The following JHY variants were observed in gnomAD, a reference collection of about 807,000 sequenced individuals.
JHY encodes jhy protein homolog.
Under a neutral mutation model 78.0 loss-of-function variants are expected in JHY, and 69 were observed. The observed-to-expected ratio is 0.88, with a 90% CI of 0.73 to 1.08. The LOEUF (loss-of-function observed/expected upper bound fraction) is 1.08, where lower values mean the gene tolerates loss of function less well. JHY is among the 50% of genes least tolerant of loss of function. The pLI, the probability that JHY is intolerant of heterozygous loss-of-function variation, is 0.00. For missense variants in JHY, 944 were observed against 927.8 expected (o/e 1.02, Z -0.23); for synonymous variants, 368 against 342.6 (o/e 1.07, Z -0.82).
rs771591216 is a variant in JHY at position 122,934,884 on chromosome 11, A to G, written c.1443A>G (p.Ser481=). 9.3e-6 allele frequency: 15 copies of G among 1,614,050 alleles called. No homozygotes were observed. The highest frequency in any genetic ancestry group is 1.3e-5 in the African/African-American group (1 of 75,020). ...AAGACCAAGAAGAGAAAAGATTTTC[A>G]TATCAGCAGCTACACACCCTTTCTG... ...GHKDQEEKRF[S]YQQLHTLSDM... is the part of the protein sequence containing the mutation. Residue 481 remains serine (S), a synonymous_variant, in exon 5 of 9, where the codon TCA becomes TCG. Transcript: ENST00000227349.
At position 122,960,801 on chromosome 11, in the gene JHY, C is replaced by A. The variant is rs566238819; in HGVS notation, c.*1356C>A. On this transcript the variant is annotated 3_prime_UTR_variant, in exon 9 of 9. Transcript: ENST00000227349. ...TGCAATTGATTTGGAGAAGTCGCAG[C>A]GCTCACTGGTTCAGAAGCGCCATTA... 13 of 554,484 alleles carry A rather than the reference C, an allele frequency of 2.3e-5. No homozygotes were observed. The highest frequency in any genetic ancestry group is 2.3e-4 in the African/African-American group (12 of 52,594). The allele number at this position is 554,484 out of a possible 1,614,324, so 34.3% of individuals were successfully genotyped here.
chr11:122,936,687 C>G (rs957510697), intron 5 of JHY, among the ~76,000 whole-genome samples: 1 of 151,916 alleles, frequency 6.6e-6, no homozygotes, highest in Non-Finnish European at 1.5e-5. Flanking sequence ...TTCTGATAAC[C>G]CTTTTATTCC....
At chr11:122,894,560 C>T (rs925261246) in intron 2 of JHY, among the ~76,000 whole-genome samples, 2 of 152,142 alleles carry the variant, frequency 1.3e-5, no homozygotes, top group Admixed American at 1.3e-4. Context: ...ACAGCATTTC[C>T]CTTGTGAAGA....
At chr11:122,933,764 C>G (rs1407982070) in intron 4 of JHY, among the ~76,000 whole-genome samples, 1 of 152,128 alleles carries the variant, frequency 6.6e-6, no homozygotes. Flanking sequence ...CTGATCATCT[C>G]AATTGTATTT....
chr11:122,924,820 G>A, intron 3 of JHY, 77 bp from the exon 4 acceptor site: 3 of 1,136,490 alleles, frequency 2.6e-6, no homozygotes, highest in South Asian at 1.4e-5. Flanking sequence ...GTTTTCTAGA[G>A]TGCACAGACT....
intron 2 of JHY, among the ~76,000 whole-genome samples, chr11:122,887,311 T>C (rs529006444): frequency 6.4e-4 from 98 of 152,278 alleles, no homozygotes; most frequent in African/African-American, 2.3e-3. Context: ...TTATAAATTA[T>C]ATCGTGTTAG....
intron 4 of JHY, among the ~76,000 whole-genome samples, chr11:122,931,612 C>T (rs1863638372): frequency 6.6e-6 from 1 of 152,140 alleles, no homozygotes; most frequent in Non-Finnish European, 1.5e-5. Context: ...AGCAGAAAAG[C>T]AGAACACAAC....
chr11:122,896,983 A>C (rs1315381965), intron 2 of JHY, among the ~76,000 whole-genome samples: 1 of 151,984 alleles, frequency 6.6e-6, no homozygotes, highest in Non-Finnish European at 1.5e-5. Context: ...CAGCCTCCTG[A>C]GTAGCTGGGA....
At chr11:122,910,377 A>T (rs946960955) in intron 3 of JHY, among the ~76,000 whole-genome samples, 1 of 152,000 alleles carries the variant, frequency 6.6e-6, no homozygotes, top group South Asian at 2.1e-4. Context: ...CGGGAAGCCC[A>T]TGAGAATTGT....
intron 2 of JHY, among the ~76,000 whole-genome samples, chr11:122,887,383 C>T (rs1036587089): frequency 3.3e-5 from 5 of 152,172 alleles, no homozygotes; most frequent in Non-Finnish European, 7.4e-5. Flanking sequence ...AGTGCAGTGG[C>T]GCAATCTCAG....
intron 3 of JHY, 61 bp from the exon 4 acceptor site, chr11:122,924,835 TC>T: frequency 2.3e-6 from 3 of 1,328,388 alleles, no homozygotes; most frequent in Non-Finnish European, 3.2e-6. Flanking sequence ...CAGACTTGAG[TC>T]CCATGGCTCT....
intron 4 of JHY, among the ~76,000 whole-genome samples, chr11:122,925,559 C>T (rs1277191716): frequency 6.6e-6 from 1 of 152,160 alleles, no homozygotes; most frequent in African/African-American, 2.4e-5. Context: ...GAAGATTTTT[C>T]TGAAATTCTC....
At chr11:122,959,227 A>G in intron 8 of JHY, 21 bp from the exon 9 acceptor site, 3 of 1,593,334 alleles carry the variant, frequency 1.9e-6, no homozygotes, top group Non-Finnish European at 2.6e-6. Context: ...TTCAAATAAA[A>G]TTTCATCTTT....
chr11:122,909,076 G>T (rs1863055987), intron 3 of JHY, among the ~76,000 whole-genome samples: 1 of 152,008 alleles, frequency 6.6e-6, no homozygotes. Flanking sequence ...GTTAATAAAA[G>T]TTAACAAAGA....
intron 4 of JHY, among the ~76,000 whole-genome samples, chr11:122,930,054 C>G (rs1863604396): frequency 6.6e-6 from 1 of 152,138 alleles, no homozygotes; most frequent in Non-Finnish European, 1.5e-5. Context: ...AGACGCCCAG[C>G]TGTGAACTGA....
intron 4 of JHY, among the ~76,000 whole-genome samples, chr11:122,929,014 G>A (rs772397196): frequency 2.6e-5 from 4 of 151,666 alleles, no homozygotes; most frequent in East Asian, 1.9e-4. Flanking sequence ...GCACAATCTC[G>A]GCTTACCACA....
At chr11:122,930,517 T>C (rs1863616022) in intron 4 of JHY, among the ~76,000 whole-genome samples, 1 of 152,196 alleles carries the variant, frequency 6.6e-6, no homozygotes, top group Non-Finnish European at 1.5e-5. Context: ...AGAGAAGATA[T>C]GCCTGAGACC....
At chr11:122,929,670 G>T (rs1050691994) in intron 4 of JHY, among the ~76,000 whole-genome samples, 3 of 152,092 alleles carry the variant, frequency 2.0e-5, no homozygotes, top group African/African-American at 7.2e-5. Flanking sequence ...TATATGGAAG[G>T]CTCCATGACT....
intron 3 of JHY, among the ~76,000 whole-genome samples, chr11:122,907,634 T>C (rs771331523): frequency 2.2e-4 from 34 of 152,104 alleles, no homozygotes; most frequent in Middle Eastern, 3.4e-3. Context: ...CCCCTGAAGT[T>C]GGGAGTTCGA....
Sources: gnomAD v4.1 joint callset for allele counts (sites outside exome capture counted in the v4.1 genomes callset) on GRCh38, gnomAD v4.1.1 for gene constraint, MANE v1.5 for transcripts, NCBI Gene and HGNC (gene_info 2026-07-23, HGNC 2026-07-21) for gene names.